ANK1: variants seen among roughly 807,000 people sequenced by gnomAD.
ANK1 encodes the protein ankyrin 1, also known as ankyrin-1.
In ANK1, 51 loss-of-function variants were observed where a neutral mutation model predicts 210.4. The ratio of observed to expected loss-of-function variants is 0.24; its 90% confidence interval spans 0.19 to 0.31. The LOEUF is 0.31. Among genes scored for constraint, ANK1 ranks in the 10% least tolerant of loss-of-function variants. The pLI, the probability that ANK1 is intolerant of heterozygous loss-of-function variation, is 1.00. For synonymous variants in ANK1, 967 were observed against 1,025.9 expected (o/e 0.94, Z 1.10); for missense variants, 2,051 against 2,504.4 (o/e 0.82, Z 3.86).
At chr8:41,792,757 C>T (rs1847998785) in intron 1 of ANK1, among the ~76,000 whole-genome samples, 1 of 152,056 alleles carries the variant, frequency 6.6e-6, no homozygotes, top group Admixed American at 6.6e-5. Flanking sequence ...TTAAAAAATC[C>T]CAAGAGCAGA....
At chr8:41,663,114 C>G (rs112362614) in intron 40 of ANK1, among the ~76,000 whole-genome samples, 12,006 of 145,126 alleles carry the variant, frequency 0.083, 701 homozygotes, top group African/African-American at 0.17. Flanking sequence ...CTCTCTCTCT[C>G]TGTGTGTGTG....
chr8:41,664,852 C>CGTCGT (rs746844085), intron 39 of ANK1: 33 of 1,612,808 alleles, frequency 2.0e-5, no homozygotes, highest in Non-Finnish European at 2.8e-5. Flanking sequence ...ATGGTCTCCT[C>CGTCGT]GTCGTCACTG....
intron 18 of ANK1, among the ~76,000 whole-genome samples, chr8:41,705,456 G>A (rs547782742): frequency 3.9e-4 from 59 of 152,298 alleles, no homozygotes; most frequent in Middle Eastern, 3.4e-3. Flanking sequence ...TTTTCTCAGG[G>A]TGACTTCAGC....
intron 31 of ANK1, among the ~76,000 whole-genome samples, chr8:41,692,055 A>G (rs1283430567): frequency 6.8e-6 from 1 of 146,764 alleles, no homozygotes; most frequent in Non-Finnish European, 1.5e-5. Flanking sequence ...TCAGCTGGCT[A>G]GCACTTTTTT....
At chr8:41,823,935 A>G (rs1286814686) in intron 1 of ANK1, among the ~76,000 whole-genome samples, 2 of 152,056 alleles carry the variant, frequency 1.3e-5, no homozygotes, top group Non-Finnish European at 1.5e-5. Flanking sequence ...AGTAGCAAAT[A>G]GTATCTTTTT....
intron 42 of ANK1, among the ~76,000 whole-genome samples, chr8:41,659,384 G>A (rs1470242064): frequency 3.3e-5 from 5 of 152,208 alleles, no homozygotes; most frequent in Non-Finnish European, 5.9e-5. Context: ...CGGGTTGGGC[G>A]ACTCAAACTT....
intron 2 of ANK1, among the ~76,000 whole-genome samples, chr8:41,736,285 G>A (rs1392151768): frequency 1.3e-5 from 2 of 152,224 alleles, no homozygotes; most frequent in African/African-American, 4.8e-5. Context: ...TGACCAGTGC[G>A]CTGAGAGCCT....
intron 2 of ANK1, among the ~76,000 whole-genome samples, chr8:41,744,954 C>T (rs1246086571): frequency 6.6e-6 from 1 of 152,196 alleles, no homozygotes; most frequent in Non-Finnish European, 1.5e-5. Flanking sequence ...GAGAAATGGG[C>T]ACGCTGAGGG....
rs1027183274 is a variant in ANK1, at chr8:41,655,496, C to A, written c.*294G>T. The A allele has an allele frequency of 7.4e-6, 4 of 542,838 alleles. No individual in the cohort carries two copies. The highest frequency in any genetic ancestry group is 5.7e-5 in the African/African-American group (3 of 52,934). 33.6% of individuals were successfully genotyped at this position (542,838 alleles called of 1,614,324 possible). ...CTGCGCTTGTTTTCTATCCCTCTCTCTCCCCGCTTCTTGCTGCTTTTGTGT... is the reference window on the plus strand; with the variant it reads ...CTGCGCTTGTTTTCTATCCCTCTCTATCCCCGCTTCTTGCTGCTTTTGTGT... On this transcript the variant is annotated 3_prime_UTR_variant, in exon 43 of 43. Transcript: ENST00000289734.
intron 22 of ANK1, among the ~76,000 whole-genome samples, chr8:41,701,054 C>T (rs1474614662): frequency 6.6e-6 from 1 of 152,174 alleles, no homozygotes; most frequent in Non-Finnish European, 1.5e-5. Flanking sequence ...CAGGCATGAA[C>T]CCAGGCACCC....
chr8:41,727,466 G>C (rs1280778042), intron 4 of ANK1, 118 bp from the exon 5 acceptor site: 2 of 774,164 alleles, frequency 2.6e-6, no homozygotes, highest in Non-Finnish European at 4.5e-6. Context: ...CCTCCCACCT[G>C]ACCCCTCCTA....
Position 41,672,500 on chromosome 8 carries a change from C to T in ANK1, c.4950G>A (p.Leu1650=), listed in dbSNP as rs1259236695. The part of the protein sequence containing the change: ...QEEGQRSEEK[L]PGSKRQDDAT... ...CGTCATCCTGCCTCTTAGAACCTGG[C>T]AGCTTCTCTTCTGACCTCTGACCTT... Residue 1650 remains leucine (L), a synonymous_variant, in exon 38 of 43, where the codon CTG becomes CTA. Transcript: ENST00000289734. 1 of 1,614,248 alleles carries T rather than the reference C, an allele frequency of 6.2e-7. No homozygotes were observed.
chr8:41,760,013 C>A (rs776453762), intron 1 of ANK1, among the ~76,000 whole-genome samples: 1 of 152,174 alleles, frequency 6.6e-6, no homozygotes, highest in Non-Finnish European at 1.5e-5. Context: ...CAGGCGCCCC[C>A]CAACAGATTT....
upstream of ANK1, among the ~76,000 whole-genome samples, chr8:41,800,617 G>C (rs985499178): frequency 6.6e-6 from 1 of 152,232 alleles, no homozygotes; most frequent in East Asian, 1.9e-4. Flanking sequence ...GGATTCCATC[G>C]ACCTCATGCC....
chr8:41,741,127 T>C (rs1249346890), intron 2 of ANK1, among the ~76,000 whole-genome samples: 1 of 151,990 alleles, frequency 6.6e-6, no homozygotes, highest in Non-Finnish European at 1.5e-5. Flanking sequence ...CCCATGGAGG[T>C]AGGGGAGGGG....
chr8:41,788,895 C>G (rs1193369200), intron 1 of ANK1: 1 of 152,314 alleles, frequency 6.6e-6, no homozygotes, highest in Non-Finnish European at 1.5e-5. Context: ...TCCTCTCTAT[C>G]TCTTCATCCT....
In ANK1 at chr8:41,725,952, C is replaced by A. The variant is rs1193693168; in HGVS notation, c.427-6G>T. 19 of 1,612,898 alleles carry A rather than the reference C, an allele frequency of 1.2e-5. No individual in the cohort carries two copies. Among genetic ancestry groups the A allele is most frequent in the Non-Finnish European group, 1.6e-5 (19 of 1,179,842 alleles). ...GCCAGAGGCGTGAAGCCGTCCTGGCCAGAGGAGGAAAATGCTTTGCTCTGA... is the reference window on the plus strand; with the variant it reads ...GCCAGAGGCGTGAAGCCGTCCTGGCAAGAGGAGGAAAATGCTTTGCTCTGA... On this transcript the variant is annotated splice_region_variant and splice_polypyrimidine_tract_variant and intron_variant, in intron 5 of 42. Transcript: ENST00000289734.
chr8:41,779,842 C>T (rs13266245), intron 1 of ANK1, among the ~76,000 whole-genome samples: 39,618 of 151,948 alleles, frequency 0.26, 5,513 homozygotes, highest in Non-Finnish European at 0.31. Context: ...GGAGCCAAGT[C>T]GGCCACCGCA....
At chr8:41,703,451 T>TATATA (rs1554555252) in intron 20 of ANK1, among the ~76,000 whole-genome samples, 606 of 37,288 alleles carry the variant, frequency 0.016, 6 homozygotes, top group Non-Finnish European at 0.028. Flanking sequence ...TATATATATA[T>TATATA]TTTTTTTTTT....
Sources: allele counts gnomAD v4.1 joint callset (sites outside exome capture counted in the v4.1 genomes callset), GRCh38; gene constraint gnomAD v4.1.1; transcripts MANE v1.5; gene names NCBI Gene and HGNC (gene_info 2026-07-23, HGNC 2026-07-21).